SELENON: variants seen among roughly 807,000 people sequenced by gnomAD.
The protein encoded by SELENON is selenoprotein N, also known as selenoprotein N, 1.
SELENON carries 44 observed loss-of-function variants against 59.5 expected under a neutral mutation model. The observed-to-expected ratio is 0.74, with a 90% CI of 0.58 to 0.95. The LOEUF (loss-of-function observed/expected upper bound fraction) is 0.95, where lower values mean the gene tolerates loss of function less well. Ranked by LOEUF, SELENON falls within the 40% of genes least tolerant of loss-of-function variation. The pLI, the probability that SELENON is intolerant of heterozygous loss-of-function variation, is 0.00. For missense variants in SELENON, 674 were observed against 721.4 expected (o/e 0.93, Z 0.75); for synonymous variants, 320 against 305.6 (o/e 1.05, Z -0.49).
rs1209094394 is a variant in SELENON at position 25,800,200 on chromosome 1, G to A, written c.-31G>A. 1 of 336,284 alleles carries A rather than the reference G, an allele frequency of 3.0e-6. No homozygotes were observed. The highest frequency in any genetic ancestry group is 4.1e-6 in the Non-Finnish European group (1 of 241,772). 20.8% of individuals were successfully genotyped at this position (336,284 alleles called of 1,614,324 possible). A position where few individuals can be genotyped will look rare whatever the true frequency, so the allele number is the denominator to read the frequency against. On this transcript the variant is annotated 5_prime_UTR_variant, in exon 1 of 13. Transcript: ENST00000361547. ...GCCCCGCCCCGCTCTTTCGCTTCCCGGGCCGCCGGCAGCCGCCGCCAGCCG... is the reference window on the plus strand; with the variant it reads ...GCCCCGCCCCGCTCTTTCGCTTCCCAGGCCGCCGGCAGCCGCCGCCAGCCG...
Position 25,811,770 on chromosome 1 carries a change from C to T in SELENON, c.1172C>T (p.Pro391Leu), listed in dbSNP as rs1438092241. ...GGCAGCATGATCGACAGCCACCTGC[C>T]TTCAGGGGAGCCCCTGCAGTTTGTG... The change falls in exon 9 of 13, where the codon CCT becomes CTT. Residue 391 changes from proline to leucine, a missense_variant. Coordinates refer to ENST00000361547, the MANE Select transcript of SELENON (RefSeq NM_020451.3). 6.3e-7 allele frequency: 1 copy of T among 1,595,454 alleles called. No individual in the cohort carries two copies. The highest frequency in any genetic ancestry group is 8.5e-7 in the Non-Finnish European group (1 of 1,171,462).
chr1:25,813,898 C>T lies in SELENON; in HGVS notation c.1405C>T (p.Arg469Trp), dbSNP rs756927098. 8.7e-6 allele frequency: 14 copies of T among 1,613,876 alleles called. No homozygotes were observed. The highest frequency in any genetic ancestry group is 2.2e-5 in the East Asian group (1 of 44,886). Residue 469 changes from arginine (R) to tryptophan (W), a missense_variant, in exon 11 of 13, where the codon CGG (arginine) becomes TGG (tryptophan). Physicochemically the swap from Arg to Trp is moderately radical, Grantham distance 101. Coordinates refer to ENST00000361547, the MANE Select transcript of SELENON (RefSeq NM_020451.3). Reference sequence around the variant, plus strand: ...CTGAACAGGTTCAGGGCGGACTCTCCGGGAGACTGTCCTGGAAAGTTCGCC... The same window carrying T: ...CTGAACAGGTTCAGGGCGGACTCTCTGGGAGACTGTCCTGGAAAGTTCGCC...
At position 25,815,820 on chromosome 1, in the gene SELENON, C is replaced by A; in HGVS notation, c.*102C>A. 7.9e-7 allele frequency: 1 copy of A among 1,270,040 alleles called. No individual in the cohort carries two copies. The highest frequency in any genetic ancestry group is 1.1e-6 in the Non-Finnish European group (1 of 894,114). 78.7% of individuals were successfully genotyped at this position (1,270,040 alleles called of 1,614,324 possible). A position where few individuals can be genotyped will look rare whatever the true frequency, so the allele number is the denominator to read the frequency against. On this transcript the variant is annotated 3_prime_UTR_variant, in exon 13 of 13. Coordinates refer to ENST00000361547, the MANE Select transcript of SELENON (RefSeq NM_020451.3). ...GATGCCGCCCACTCCCACCCCACTCCTAGGCTGCCTTGGAGGGTACAAGAT... is the reference window on the plus strand; with the variant it reads ...GATGCCGCCCACTCCCACCCCACTCATAGGCTGCCTTGGAGGGTACAAGAT...
intron 8 of SELENON, 72 bp downstream of exon 7, chr1:25,811,607 A>G: frequency 6.2e-7 from 1 of 1,602,536 alleles, no homozygotes; most frequent in Non-Finnish European, 8.5e-7. Flanking sequence ...CAATGAGTGG[A>G]GCATTTTGGA....
Position 25,808,606 on chromosome 1 carries a change from C to T in SELENON, c.564C>T (p.Leu188=). The change falls in exon 5 of 13, where the codon CTC becomes CTT. Residue 188 remains leucine (L), a synonymous_variant. Transcript: ENST00000361547. ...TCTCCCGCCTCGCCCTGTCCGGCCT[C>T]CGAAACTGGACAGCCGCCGCCTCAC... 1 of 1,613,794 alleles carries T rather than the reference C, an allele frequency of 6.2e-7. No individual in the cohort carries two copies.
At chr1:25,804,765 T>G (rs1177908448) in intron 3 of SELENON, among the ~76,000 whole-genome samples, 1 of 151,468 alleles carries the variant, frequency 6.6e-6, no homozygotes, top group African/African-American at 2.4e-5. Context: ...CATTCATTAC[T>G]CCGGTTCCCT....
At chr1:25,804,232 C>T (rs527991136) in intron 3 of SELENON, among the ~76,000 whole-genome samples, 48 of 152,258 alleles carry the variant, frequency 3.2e-4, no homozygotes, top group African/African-American at 1.1e-3. Flanking sequence ...GACTCTCACC[C>T]CTGCAGATTC....
At chr1:25,811,317 T>C in intron 7 of SELENON, 137 bp from the exon 7 acceptor site, 1 of 836,016 alleles carries the variant, frequency 1.2e-6, no homozygotes, top group Non-Finnish European at 2.1e-6. Flanking sequence ...CCAGTGGCTC[T>C]GAGAGCAGGT....
intron 10 of SELENON, among the ~76,000 whole-genome samples, chr1:25,813,156 T>C (rs976117363): frequency 3.3e-5 from 5 of 152,234 alleles, no homozygotes; most frequent in Non-Finnish European, 5.9e-5. Context: ...TAAAGTGTTA[T>C]ATACGTGTAA....
chr1:25,815,729 C>T lies in SELENON; in HGVS notation c.*11C>T, dbSNP rs572790957. The T allele has an allele frequency of 6.4e-5, 103 of 1,613,294 alleles. No individual in the cohort carries two copies. The highest frequency in any genetic ancestry group is 7.8e-5 in the Non-Finnish European group (92 of 1,179,926). On this transcript the variant is annotated 3_prime_UTR_variant, in exon 13 of 13. Transcript: ENST00000361547. ...CTCCTCCAGCCCTAGAGTGCCTGGA[C>T]GGGATCTGATGCACAGGCCCCCACG... is the stretch of plus-strand genomic sequence containing the variant.
intron 4 of SELENON, 117 bp downstream of exon 3, chr1:25,805,392 G>A: frequency 7.0e-7 from 1 of 1,422,258 alleles, no homozygotes; most frequent in Non-Finnish European, 9.8e-7. Context: ...AGGCCCTGGA[G>A]GTCCATGTGC....
In SELENON at chr1:25,809,006, G is replaced by T. The variant is rs776094927; in HGVS notation, c.748-20G>T. On this transcript the variant is annotated intron_variant, in intron 5 of 12. Coordinates refer to ENST00000361547, the MANE Select transcript of SELENON (RefSeq NM_020451.3). ...CCAGCGGGACCCAGCAAGCCAGTACGTGCCTCCCGCCGCCCCCAGGTCATC... is the reference window on the plus strand; with the variant it reads ...CCAGCGGGACCCAGCAAGCCAGTACTTGCCTCCCGCCGCCCCCAGGTCATC... 1.2e-5 allele frequency: 20 copies of T among 1,613,320 alleles called. No individual in the cohort carries two copies. The highest frequency in any genetic ancestry group is 1.4e-5 in the Non-Finnish European group (16 of 1,179,926).
In SELENON at chr1:25,809,549, T is replaced by C. The variant is rs1009983299; in HGVS notation, c.873-134T>C. 4.4e-5 allele frequency: 56 copies of C among 1,281,426 alleles called. No individual in the cohort carries two copies. In the African/African-American group the frequency reaches 7.6e-4, roughly 17 times the overall value. 79.4% of individuals were successfully genotyped at this position (1,281,426 alleles called of 1,614,324 possible). A position where few individuals can be genotyped will look rare whatever the true frequency, so the allele number is the denominator to read the frequency against. ...AAGGATGAGCAGCATTTGGAGAGCC[T>C]CGCTGCTGCCCACTGGCCCATCCAC... is the stretch of plus-strand genomic sequence containing the variant. On this transcript the variant is annotated intron_variant, in intron 6 of 12. Transcript: ENST00000361547.
In SELENON at chr1:25,818,180, CCT is replaced by C; in HGVS notation, c.*2463_*2464del. ...TGTCACTCCTCTAACACTTCCCTCC[CCT>C]GTCCCCAACATGCCCTGTAATAAAA... On this transcript the variant is annotated 3_prime_UTR_variant, in exon 13 of 13. Transcript: ENST00000361547. 1 of 152,374 alleles carries C rather than the reference CCT, an allele frequency of 6.6e-6. No homozygotes were observed. The highest frequency in any genetic ancestry group is 2.4e-5 in the African/African-American group (1 of 41,456). 9.4% of individuals were successfully genotyped at this position (152,374 alleles called of 1,614,324 possible). A position where few individuals can be genotyped will look rare whatever the true frequency, so the allele number is the denominator to read the frequency against.
chr1:25,804,968 G>A lies in SELENON; in HGVS notation c.404-174G>A, dbSNP rs11247735. 0.51 allele frequency among the ~76,000 whole-genome samples: 77,205 copies of A among 151,838 alleles called. 19,905 individuals are homozygous for A. The highest frequency in any genetic ancestry group is 0.68 in the South Asian group (3,293 of 4,812). On this transcript the variant is annotated intron_variant, in intron 3 of 12. Coordinates refer to ENST00000361547, the MANE Select transcript of SELENON (RefSeq NM_020451.3). Reference sequence around the variant, plus strand: ...TGGTAATGTTATTATCTGCCTCCCTGGGCTATCCTGAAACTAAAATGCGAT... The same window carrying A: ...TGGTAATGTTATTATCTGCCTCCCTAGGCTATCCTGAAACTAAAATGCGAT...
In SELENON at chr1:25,818,059, T is replaced by A. The variant is rs2048028979; in HGVS notation, c.*2341T>A. 6.6e-6 allele frequency: 1 copy of A among 152,356 alleles called. No homozygotes were observed. The highest frequency in any genetic ancestry group is 1.5e-5 in the Non-Finnish European group (1 of 68,116). The allele number at this position is 152,356 out of a possible 1,614,324, so 9.4% of individuals were successfully genotyped here. On this transcript the variant is annotated 3_prime_UTR_variant, in exon 13 of 13. Transcript: ENST00000361547. ...GCCAGCCTGGTCCCATGGAAAATGATGGCCTGGGCTTTCTGAGGCCTTATC... is the reference window on the plus strand; with the variant it reads ...GCCAGCCTGGTCCCATGGAAAATGAAGGCCTGGGCTTTCTGAGGCCTTATC...
chr1:25,801,430 A>C (rs1172119427), intron 2 of SELENON, among the ~76,000 whole-genome samples: 6 of 152,142 alleles, frequency 3.9e-5, no homozygotes, highest in Admixed American at 2.6e-4. Context: ...ACTTTGGGAG[A>C]TGGAAGGATC....
chr1:25,807,715 T>G lies in SELENON; in HGVS notation c.538-865T>G, dbSNP rs753816485. Among the ~76,000 whole-genome samples, 7 of 152,288 alleles carry G rather than the reference T, an allele frequency of 4.6e-5. No individual in the cohort carries two copies. Among genetic ancestry groups the G allele is most frequent in the Middle Eastern group, 3.4e-3 (1 of 294 alleles). ...TAAATCTGTCTCTGTGGGAGCTCCCTGCCTGCTTTCCTCCTACCTCCCACC... is the reference window on the plus strand; with the variant it reads ...TAAATCTGTCTCTGTGGGAGCTCCCGGCCTGCTTTCCTCCTACCTCCCACC... On this transcript the variant is annotated intron_variant, in intron 4 of 12. Transcript: ENST00000361547. The surrounding 1 kb of genome is among the most constrained non-coding windows in gnomAD (Gnocchi z 4.5).
Position 25,800,394 on chromosome 1 carries a change from C to T in SELENON, c.164C>T (p.Ala55Val), listed in dbSNP as rs2047850597. Residue 55 changes from alanine (A) to valine (V), a missense_variant, in exon 1 of 13, where the codon GCC becomes GTC. By Grantham distance (64) the Ala-to-Val change is moderately conservative (BLOSUM62 0). Transcript: ENST00000361547. ...CGGGTCTGCGCCCGCCACGCCGAGG[C>T]CCAGGCGGCCGCGCGGCAGGTCCGG... is the stretch of plus-strand genomic sequence containing the variant. 1.6e-5 allele frequency: 18 copies of T among 1,094,118 alleles called. No homozygotes were observed. Among genetic ancestry groups the T allele is most frequent in the Non-Finnish European group, 1.9e-5 (17 of 900,562 alleles). 67.8% of individuals were successfully genotyped at this position (1,094,118 alleles called of 1,614,324 possible).
Sources: gnomAD v4.1 joint callset for allele counts (sites outside exome capture counted in the v4.1 genomes callset) on GRCh38, gnomAD v4.1.1 for gene constraint, Gnocchi (gnomAD v3.1) non-coding constraint, MANE v1.5 for transcripts, NCBI Gene and HGNC (gene_info 2026-07-23, HGNC 2026-07-21) for gene names.